FGGY: variants seen among roughly 807,000 people sequenced by gnomAD.
The protein encoded by FGGY is FGGY carbohydrate kinase domain containing, also known as FGGY carbohydrate kinase domain-containing protein.
FGGY carries 72 observed loss-of-function variants against 71.3 expected under a neutral mutation model. The ratio of observed to expected loss-of-function variants is 1.01; its 90% confidence interval spans 0.84 to 1.23. FGGY has a LOEUF of 1.23. FGGY is among the 50% of genes most tolerant of loss of function. FGGY has a pLI of 0.00. For missense variants in FGGY, 668 were observed against 682.3 expected, an observed-to-expected ratio of 0.98 and a Z score of 0.23; for synonymous variants, 251 against 250.3, an observed-to-expected ratio of 1.00 and a Z score of -0.02.
intron 4 of FGGY, among the ~76,000 whole-genome samples, chr1:59,365,862 G>A (rs2056493400): frequency 6.6e-6 from 1 of 152,202 alleles, no homozygotes; most frequent in African/African-American, 2.4e-5. Flanking sequence ...AATTCTCACA[G>A]CATCCTTGGG....
intron 6 of FGGY, among the ~76,000 whole-genome samples, chr1:59,469,691 C>A (rs561095205): frequency 6.6e-6 from 1 of 151,832 alleles, no homozygotes; most frequent in South Asian, 2.1e-4. Context: ...ATTTTGTCAC[C>A]CAGGTATTAA....
At chr1:59,662,147 C>T (rs2097281126) in intron 12 of FGGY, among the ~76,000 whole-genome samples, 2 of 150,804 alleles carry the variant, frequency 1.3e-5, no homozygotes, top group Non-Finnish European at 3.0e-5. Context: ...TGGTGAAACC[C>T]TGTCTCTACT....
In FGGY at chr1:59,708,004, A is replaced by G. The variant is rs180755726; in HGVS notation, c.1512+33871A>G. On this transcript the variant is annotated intron_variant, in intron 14 of 15. Coordinates refer to ENST00000303721, the MANE Select transcript of FGGY (RefSeq NM_018291.5). ...CATCTAGTCCAATGCATTTAAAAGA[A>G]GGGGACATTTGGTTCCAGAGTAGGA... Among the ~76,000 whole-genome samples, 8 of 152,320 alleles carry G rather than the reference A, an allele frequency of 5.3e-5. No homozygotes were observed. In the East Asian group the frequency reaches 1.5e-3, roughly 29 times the overall value.
intron 11 of FGGY, among the ~76,000 whole-genome samples, chr1:59,652,709 T>TA (rs1179378644): frequency 6.7e-6 from 1 of 150,042 alleles, no homozygotes; most frequent in Non-Finnish European, 1.5e-5. Context: ...TGTCCTCCCG[T>TA]AGCTCAGAGT....
intron 5 of FGGY, among the ~76,000 whole-genome samples, chr1:59,407,835 A>C (rs898912565): frequency 2.6e-5 from 4 of 152,194 alleles, no homozygotes; most frequent in Non-Finnish European, 4.4e-5. Flanking sequence ...GCTGGAAGAC[A>C]TTTTTGAAGA....
chr1:59,503,731 A>G (rs1049831941), intron 6 of FGGY, among the ~76,000 whole-genome samples: 2 of 151,098 alleles, frequency 1.3e-5, no homozygotes, highest in African/African-American at 4.9e-5. Flanking sequence ...GAGAGTTAGC[A>G]GGAATCATGG....
At chr1:59,579,741 C>T (rs2096153391) in intron 8 of FGGY, among the ~76,000 whole-genome samples, 1 of 152,156 alleles carries the variant, frequency 6.6e-6, no homozygotes, top group Non-Finnish European at 1.5e-5. Context: ...TACCACTGGG[C>T]CCTGGATTCT....
intron 2 of FGGY, 54 bp downstream of exon 2, chr1:59,321,804 CG>C: frequency 6.5e-7 from 1 of 1,535,966 alleles, no homozygotes; most frequent in South Asian, 1.2e-5. Flanking sequence ...TGCTGAGTGT[CG>C]TGTGTCAATC....
In FGGY at chr1:59,660,221, C is replaced by A; in HGVS notation, c.1224C>A (p.Val408=). ...PLADLTLKGM[V]TGLKLSQDLD... ...TTTTCTTCCCTTCATGCCTGCAGGTCACCGGATTGAAACTGTCTCAGGACC... is the reference window on the plus strand; with the variant it reads ...TTTTCTTCCCTTCATGCCTGCAGGTAACCGGATTGAAACTGTCTCAGGACC... Residue 408 remains valine (V), a splice_region_variant and synonymous_variant, in exon 12 of 16, where the codon GTC becomes GTA. Coordinates refer to ENST00000303721, the MANE Select transcript of FGGY (RefSeq NM_018291.5). 1 of 1,613,362 alleles carries A rather than the reference C, an allele frequency of 6.2e-7. No individual in the cohort carries two copies.
At chr1:59,663,166 C>G (rs560370592) in intron 12 of FGGY, among the ~76,000 whole-genome samples, 66 of 152,268 alleles carry the variant, frequency 4.3e-4, no homozygotes, top group Admixed American at 1.9e-3. Context: ...AACACTGTAA[C>G]CCTGTAAGTA....
chr1:59,684,445 G>C (rs556664684), intron 14 of FGGY, among the ~76,000 whole-genome samples: 1 of 152,300 alleles, frequency 6.6e-6, no homozygotes, highest in African/African-American at 2.4e-5. Flanking sequence ...GACGGAGCTA[G>C]AACTCAGGGT....
chr1:59,718,530 G>T (rs1262105673), intron 14 of FGGY, among the ~76,000 whole-genome samples: 1 of 152,174 alleles, frequency 6.6e-6, no homozygotes, highest in Non-Finnish European at 1.5e-5. Context: ...AACACAACTT[G>T]TTCCAGATAG....
rs542606378 is a variant in FGGY, at chr1:59,361,927, T to C, written c.465+15529T>C. Among the ~76,000 whole-genome samples the C allele has an allele frequency of 2.0e-5, 3 of 152,212 alleles. No homozygotes were observed. In the East Asian group the frequency reaches 5.8e-4, roughly 29 times the overall value. On this transcript the variant is annotated intron_variant, in intron 4 of 15. Transcript: ENST00000303721. ...TACTAGACAGGGCCCTTTCCGCCTC[T>C]CTTGGGTGGTGGGGGGTGGCGTGTG... is the stretch of plus-strand genomic sequence containing the variant.
At chr1:59,692,202 C>G (rs577778084) in intron 14 of FGGY, among the ~76,000 whole-genome samples, 1 of 152,130 alleles carries the variant, frequency 6.6e-6, no homozygotes, top group Non-Finnish European at 1.5e-5. Context: ...GTAAATGACC[C>G]GGACTTCCAA....
chr1:59,670,489 G>GA (rs745398568), intron 13 of FGGY, among the ~76,000 whole-genome samples: 13 of 152,172 alleles, frequency 8.5e-5, no homozygotes, highest in Non-Finnish European at 1.6e-4. Context: ...TCAGCTCTGT[G>GA]ACTTTGGGCA....
Position 59,438,284 on chromosome 1 carries a change from T to C in FGGY, c.555-18677T>C, listed in dbSNP as rs892688832. 3.3e-5 allele frequency among the ~76,000 whole-genome samples: 5 copies of C among 152,214 alleles called. No individual in the cohort carries two copies. The South Asian group carries it at 1.0e-3, about 31-fold the overall frequency. On this transcript the variant is annotated intron_variant, in intron 5 of 15. Coordinates refer to ENST00000303721, the MANE Select transcript of FGGY (RefSeq NM_018291.5). ...GCCTGTTTGCAAAGCCTTTGCCCTT[T>C]CCATTAGACTACATAGCATCTTAAA...
chr1:59,654,352 C>T (rs912780658), intron 11 of FGGY, among the ~76,000 whole-genome samples: 3 of 152,202 alleles, frequency 2.0e-5, no homozygotes, highest in Admixed American at 2.0e-4. Context: ...GCTCCACCTT[C>T]ATTATTGACT....
At position 59,732,510 on chromosome 1, in the gene FGGY, G is replaced by A. The variant is rs544798715; in HGVS notation, c.1513-25421G>A. On this transcript the variant is annotated intron_variant, in intron 14 of 15. Coordinates refer to ENST00000303721, the MANE Select transcript of FGGY (RefSeq NM_018291.5). Reference sequence around the variant, plus strand: ...ATGATCCTGAATGGGGAAGTGCAGGGAGGGCACCTCAGAGATGAAGATGAG... The same window carrying A: ...ATGATCCTGAATGGGGAAGTGCAGGAAGGGCACCTCAGAGATGAAGATGAG... Among the ~76,000 whole-genome samples the A allele has an allele frequency of 2.6e-4, 40 of 152,324 alleles. No individual in the cohort carries two copies. The South Asian group carries it at 7.7e-3, about 29-fold the overall frequency.
chr1:59,445,483 T>A (rs2071030354), intron 5 of FGGY, among the ~76,000 whole-genome samples: 1 of 152,244 alleles, frequency 6.6e-6, no homozygotes, highest in Non-Finnish European at 1.5e-5. Flanking sequence ...TGTTTTGTTT[T>A]GATAATTTTG....
Sources: allele counts gnomAD v4.1 joint callset (sites outside exome capture counted in the v4.1 genomes callset), GRCh38; gene constraint gnomAD v4.1.1; transcripts MANE v1.5; gene names NCBI Gene and HGNC (gene_info 2026-07-23, HGNC 2026-07-21).